The following CEACAM4 variants were observed in gnomAD, a reference collection of about 807,000 sequenced individuals.
CEACAM4 encodes CEA cell adhesion molecule 4, also known as cell adhesion molecule CEACAM4.
In CEACAM4, 30 loss-of-function variants were observed where a neutral mutation model predicts 28.7. The observed-to-expected ratio is 1.05, with a 90% CI of 0.78 to 1.42. CEACAM4 has a LOEUF of 1.42. CEACAM4 is among the 40% of genes most tolerant of loss of function. CEACAM4 has a pLI of 0.00. For synonymous variants in CEACAM4, 143 were observed against 126.5 expected (o/e 1.13, Z -0.87); for missense variants, 330 against 308.2 (o/e 1.07, Z -0.53).
At chr19:41,613,544 CAG>C in the CEACAM4 span, among the ~76,000 whole-genome samples, 6 of 151,900 alleles carry the variant, frequency 3.9e-5, no homozygotes, top group Non-Finnish European at 8.8e-5. Context: ...CACACACACA[CAG>C]AGGTCAGGGG....
At chr19:41,616,540 GA>G (rs1842913477), downstream of CEACAM4, among the ~76,000 whole-genome samples, 11 of 134,038 alleles carry the variant, frequency 8.2e-5, no homozygotes, top group African/African-American at 3.0e-4. Context: ...TAGATAGATA[GA>G]TAGATATTCA....
downstream of CEACAM4, among the ~76,000 whole-genome samples, chr19:41,615,905 G>A (rs192158922): frequency 5.3e-5 from 8 of 152,288 alleles, no homozygotes; most frequent in Admixed American, 3.9e-4. Context: ...AGAGGTGATG[G>A]GAATGAGGAA....
At chr19:41,618,938 T>A (rs1222646232), downstream of CEACAM4, 1 of 207,508 alleles carries the variant, frequency 4.8e-6, no homozygotes, top group East Asian at 1.2e-4. Context: ...ATATTTTCCC[T>A]GTGTGACCCG....
intron 3 of CEACAM4, 95 bp downstream of exon 3, chr19:41,621,556 C>T (rs1555801495): frequency 4.4e-5 from 29 of 657,272 alleles, no homozygotes; most frequent in East Asian, 1.1e-4. Context: ...TGGGAGGATG[C>T]GGAAAGCCTG....
downstream of CEACAM4, among the ~76,000 whole-genome samples, chr19:41,618,625 G>A (rs142505462): frequency 2.8e-3 from 428 of 152,270 alleles, no homozygotes; most frequent in Non-Finnish European, 5.0e-3. Context: ...TGGAGGCTGC[G>A]TAGGGGCCAC....
intron 2 of CEACAM4, among the ~76,000 whole-genome samples, chr19:41,622,074 T>TTTTTCC (rs1555801827): frequency 6.6e-6 from 1 of 151,984 alleles, no homozygotes; most frequent in Non-Finnish European, 1.5e-5. Context: ...CCTCTGTTGC[T>TTTTTCC]TTTTTCTTTT....
At chr19:41,624,940 T>C (rs1555803193) in intron 2 of CEACAM4, among the ~76,000 whole-genome samples, 1 of 152,174 alleles carries the variant, frequency 6.6e-6, no homozygotes, top group African/African-American at 2.4e-5. Flanking sequence ...AGGAACATTT[T>C]CTCCCCTCTG....
At chr19:41,616,248 T>C (rs2070980651), downstream of CEACAM4, among the ~76,000 whole-genome samples, 1 of 152,034 alleles carries the variant, frequency 6.6e-6, no homozygotes, top group Non-Finnish European at 1.5e-5. Flanking sequence ...GTCAGGCTGG[T>C]CTCGAACACC....
At position 41,626,915 on chromosome 19, in the gene CEACAM4, C is replaced by T. The variant is rs139096359; in HGVS notation, c.49G>A (p.Gly17Arg). The change falls in exon 1 of 7, where the codon GGG becomes AGG. Residue 17 changes from glycine (G) to arginine (R), a missense_variant. By Grantham distance (125) the Gly-to-Arg change is moderately radical (BLOSUM62 -2). Coordinates refer to ENST00000221954, the MANE Select transcript of CEACAM4 (RefSeq NM_001817.4). ...CTCCCCTCACCTGTGATCAGGAGCC[C>T]CTGCCAGGGCCTGTGCCCTCCACGG... ...APRGGHRPWQ[G>R]LLITASLLTF... The T allele has an allele frequency of 1.9e-6, 3 of 1,609,714 alleles. No homozygotes were observed. The highest frequency in any genetic ancestry group is 2.5e-6 in the Non-Finnish European group (3 of 1,177,720).
At chr19:41,624,813 T>G (rs1855222012) in intron 2 of CEACAM4, among the ~76,000 whole-genome samples, 1 of 152,192 alleles carries the variant, frequency 6.6e-6, no homozygotes, top group Non-Finnish European at 1.5e-5. Context: ...CTTTAAATTA[T>G]TCACAGGATC....
chr19:41,619,637 T>A (rs781999071), intron 6 of CEACAM4, 33 bp downstream of exon 6: 1 of 1,581,320 alleles, frequency 6.3e-7, no homozygotes, highest in Non-Finnish European at 8.6e-7. Flanking sequence ...CCCTGGAGCC[T>A]GCGGGACCAG....
chr19:41,626,984 C>A lies in CEACAM4; in HGVS notation c.-21G>T, dbSNP rs1555804596. 6.3e-7 allele frequency: 1 copy of A among 1,592,366 alleles called. No homozygotes were observed. Among genetic ancestry groups the A allele is most frequent in the Non-Finnish European group, 8.5e-7 (1 of 1,169,754 alleles). ...CCCATGGTCTCTGCTGCCTGCTTGT[C>A]CTCTGTGGAGAGGAGCTGGGCTCCA... On this transcript the variant is annotated 5_prime_UTR_variant, in exon 1 of 7. Transcript: ENST00000221954.
Position 41,620,257 on chromosome 19 carries a change from A to G in CEACAM4, c.596-15T>C. ...GGGACCATGGCCTGGGGACAGAGAC[A>G]GGAGTGAGCAGCAGGGTGGGAGGAG... is the stretch of plus-strand genomic sequence containing the variant. On this transcript the variant is annotated splice_polypyrimidine_tract_variant and intron_variant, in intron 4 of 6. Transcript: ENST00000221954. 6.8e-7 allele frequency: 1 copy of G among 1,468,332 alleles called. No homozygotes were observed. The highest frequency in any genetic ancestry group is 9.0e-7 in the Non-Finnish European group (1 of 1,112,998). The allele number at this position is 1,468,332 out of a possible 1,614,324, so 91.0% of individuals were successfully genotyped here. A position where few individuals can be genotyped will look rare whatever the true frequency, so the allele number is the denominator to read the frequency against.
At chr19:41,614,404 G>A (rs10403460), downstream of CEACAM4, among the ~76,000 whole-genome samples, 6,787 of 152,306 alleles carry the variant, frequency 0.045, 486 homozygotes, top group African/African-American at 0.15. Context: ...TGGTCAGAGC[G>A]TGTGCGCGTT....
At chr19:41,626,852 G>T in intron 1 of CEACAM4, 48 bp downstream of exon 1, 1 of 1,548,216 alleles carries the variant, frequency 6.5e-7, no homozygotes, top group Non-Finnish European at 8.9e-7. Context: ...ACCCCAGTCA[G>T]TCTCTGTGCT....
rs1555800856 is a variant in CEACAM4, at chr19:41,620,569, AC to A, written c.595+5del. ...GCTCCCACACCTGGGCTGAAGGGAC[AC>A]TCACCAGGGGTGGAGGCTGGGGGCG... On this transcript the variant is annotated splice_donor_5th_base_variant and intron_variant, in intron 4 of 6. Coordinates refer to ENST00000221954, the MANE Select transcript of CEACAM4 (RefSeq NM_001817.4). The A allele has an allele frequency of 1.9e-6, 3 of 1,611,274 alleles. No homozygotes were observed. Among genetic ancestry groups the A allele is most frequent in the Non-Finnish European group, 2.5e-6 (3 of 1,178,468 alleles).
chr19:41,618,120 T>C (rs2071032462), downstream of CEACAM4, among the ~76,000 whole-genome samples: 1 of 148,692 alleles, frequency 6.7e-6, no homozygotes, highest in South Asian at 2.1e-4. Flanking sequence ...TCATCACCCT[T>C]CCAGGGGCCC....
intron 5 of CEACAM4, 40 bp from the exon 6 acceptor site, chr19:41,619,751 G>A: frequency 6.7e-7 from 1 of 1,502,628 alleles, no homozygotes; most frequent in Non-Finnish European, 8.9e-7. Flanking sequence ...GACAGGGAGG[G>A]AGGGTCACGG....
At chr19:41,623,425 T>G (rs1355521999) in intron 2 of CEACAM4, among the ~76,000 whole-genome samples, 7 of 113,106 alleles carry the variant, frequency 6.2e-5, no homozygotes, top group African/African-American at 2.7e-4. Flanking sequence ...CTGCATTTTT[T>G]TTTTTTTTTT....
Sources: allele counts gnomAD v4.1 joint callset (sites outside exome capture counted in the v4.1 genomes callset), GRCh38; gene constraint gnomAD v4.1.1; transcripts MANE v1.5; gene names NCBI Gene and HGNC (gene_info 2026-07-23, HGNC 2026-07-21).